The following NR3C2 variants were observed in gnomAD, a reference collection of about 807,000 sequenced individuals.
NR3C2 encodes nuclear receptor subfamily 3 group C member 2, also known as mineralocorticoid receptor.
NR3C2 carries 15 observed loss-of-function variants against 86.4 expected under a neutral mutation model. The observed-to-expected ratio is 0.17, with a 90% CI of 0.12 to 0.27. The LOEUF is 0.27. NR3C2 is among the 10% of genes least tolerant of loss of function. The pLI, the probability that NR3C2 is intolerant of heterozygous loss-of-function variation, is 1.00. For synonymous variants in NR3C2, 458 were observed against 450.5 expected, an observed-to-expected ratio of 1.02 and a Z score of -0.21; for missense variants, 960 against 1,195.6, an observed-to-expected ratio of 0.80 and a Z score of 2.91.
intron 2 of NR3C2, among the ~76,000 whole-genome samples, chr4:148,292,771 T>TA (rs1469678779): frequency 6.6e-5 from 10 of 152,138 alleles, no homozygotes; most frequent in Admixed American, 5.9e-4. Flanking sequence ...ATCTTTGGAC[T>TA]ACTCAGAGCT....
At chr4:148,239,039 A>G (rs1406168297) in intron 3 of NR3C2, among the ~76,000 whole-genome samples, 1 of 152,218 alleles carries the variant, frequency 6.6e-6, no homozygotes, top group Non-Finnish European at 1.5e-5. Flanking sequence ...ACTTTCATAA[A>G]CCAAGTACAG....
chr4:148,272,364 T>A (rs1349949808), intron 2 of NR3C2, among the ~76,000 whole-genome samples: 3 of 152,198 alleles, frequency 2.0e-5, no homozygotes, highest in Non-Finnish European at 4.4e-5. Flanking sequence ...TAACATCTGT[T>A]TCTTACAAAT....
chr4:148,079,400 T>C lies in NR3C2; in HGVS notation c.*1944A>G, dbSNP rs1186681366. 6.6e-6 allele frequency: 1 copy of C among 152,320 alleles called. No homozygotes were observed. Among genetic ancestry groups the C allele is most frequent in the Non-Finnish European group, 1.5e-5 (1 of 68,038 alleles). The allele number at this position is 152,320 out of a possible 1,614,324, so 9.4% of individuals were successfully genotyped here. A position where few individuals can be genotyped will look rare whatever the true frequency, so the allele number is the denominator to read the frequency against. On this transcript the variant is annotated 3_prime_UTR_variant, in exon 9 of 9. Coordinates refer to ENST00000358102, the MANE Select transcript of NR3C2 (RefSeq NM_000901.5). The stretch of plus-strand genomic sequence containing the variant: ...GTGTCTTTTGAAAGACAAGGTAATG[T>C]TGCCTGCATGGTGAACCCTGGAGAA...
At chr4:148,329,589 T>TA (rs950219981) in intron 2 of NR3C2, among the ~76,000 whole-genome samples, 14 of 152,016 alleles carry the variant, frequency 9.2e-5, no homozygotes, top group Non-Finnish European at 1.9e-4. Flanking sequence ...TTTTAAGTAA[T>TA]AAAAAAAGGA....
intron 2 of NR3C2, among the ~76,000 whole-genome samples, chr4:148,331,582 A>G (rs1321858489): frequency 6.6e-6 from 1 of 152,236 alleles, no homozygotes; most frequent in Non-Finnish European, 1.5e-5. Context: ...TTTCTTCTAC[A>G]CTTATGTAAA....
At chr4:148,311,960 G>T (rs1406114529) in intron 2 of NR3C2, among the ~76,000 whole-genome samples, 1 of 152,172 alleles carries the variant, frequency 6.6e-6, no homozygotes, top group African/African-American at 2.4e-5. Context: ...GGCCTCTACT[G>T]ATCCCGCAGT....
chr4:148,204,477 T>TA (rs1481528718), intron 3 of NR3C2, among the ~76,000 whole-genome samples: 3 of 152,216 alleles, frequency 2.0e-5, no homozygotes, highest in African/African-American at 7.2e-5. Flanking sequence ...TTAAAAATCC[T>TA]ATGGGGGGAG....
chr4:148,442,648 A>G (rs932551955), upstream of NR3C2: 5 of 985,310 alleles, frequency 5.1e-6, no homozygotes, highest in Non-Finnish European at 6.0e-6. Flanking sequence ...TGGACAATCC[A>G]GGCTGTCAGT....
chr4:148,351,257 T>C (rs373254341), intron 2 of NR3C2, among the ~76,000 whole-genome samples: 3 of 152,128 alleles, frequency 2.0e-5, no homozygotes, highest in Admixed American at 6.6e-5. Flanking sequence ...GCAATTCTCC[T>C]GCCTCAGCCT....
chr4:148,307,403 G>T (rs924307154), intron 2 of NR3C2, among the ~76,000 whole-genome samples: 14 of 152,146 alleles, frequency 9.2e-5, no homozygotes, highest in African/African-American at 3.4e-4. Context: ...CATAAGTTAT[G>T]TTCAAAGTAT....
chr4:148,341,919 C>T (rs890490080), intron 2 of NR3C2, among the ~76,000 whole-genome samples: 4 of 152,126 alleles, frequency 2.6e-5, no homozygotes, highest in Non-Finnish European at 5.9e-5. Flanking sequence ...CAAACCCTGC[C>T]TATTTGCAAC....
At chr4:148,304,086 C>T (rs1428646766) in intron 2 of NR3C2, among the ~76,000 whole-genome samples, 1 of 152,128 alleles carries the variant, frequency 6.6e-6, no homozygotes, top group Admixed American at 6.6e-5. Flanking sequence ...GATGAGTAGT[C>T]ATTCATTTTC....
At chr4:148,355,300 T>C (rs1475039990) in intron 2 of NR3C2, among the ~76,000 whole-genome samples, 1 of 152,202 alleles carries the variant, frequency 6.6e-6, no homozygotes, top group Non-Finnish European at 1.5e-5. Context: ...GTTTATTTTA[T>C]GGAATAGAAT....
chr4:148,423,531 T>G (rs1324691237), intron 2 of NR3C2, among the ~76,000 whole-genome samples: 3 of 152,122 alleles, frequency 2.0e-5, no homozygotes, highest in African/African-American at 7.2e-5. Context: ...AACTTTTATC[T>G]CCATCACACA....
chr4:148,200,993 T>C (rs1393247465), intron 3 of NR3C2: 1 of 152,152 alleles, frequency 6.6e-6, no homozygotes, highest in African/African-American at 2.4e-5. Flanking sequence ...ACATTTTGGC[T>C]GAAATGAAGC....
intron 3 of NR3C2, among the ~76,000 whole-genome samples, chr4:148,222,818 T>C (rs1737929018): frequency 6.6e-5 from 10 of 152,196 alleles, no homozygotes; most frequent in Admixed American, 6.5e-4. Context: ...ATTGATCATG[T>C]ACTGTGTGCC....
chr4:148,410,307 T>C (rs1267631478), intron 2 of NR3C2, among the ~76,000 whole-genome samples: 1 of 152,202 alleles, frequency 6.6e-6, no homozygotes, highest in Non-Finnish European at 1.5e-5. Context: ...TTTCAATGAA[T>C]GAAACAGTAC....
intron 2 of NR3C2, among the ~76,000 whole-genome samples, chr4:148,288,686 C>T (rs2149905283): frequency 6.6e-6 from 1 of 152,260 alleles, no homozygotes; most frequent in Non-Finnish European, 1.5e-5. Flanking sequence ...CAGTCTCAAC[C>T]ATCTATGATT....
intron 6 of NR3C2, among the ~76,000 whole-genome samples, chr4:148,150,851 T>C (rs1376567549): frequency 6.6e-6 from 1 of 152,220 alleles, no homozygotes; most frequent in African/African-American, 2.4e-5. Context: ...AATGGAATTC[T>C]GATACATACT....
Sources: allele counts gnomAD v4.1 joint callset (sites outside exome capture counted in the v4.1 genomes callset), GRCh38; gene constraint gnomAD v4.1.1; transcripts MANE v1.5; gene names NCBI Gene and HGNC (gene_info 2026-07-23, HGNC 2026-07-21).